The following ADRA1B variants were observed in gnomAD, a reference collection of about 807,000 sequenced individuals.
ADRA1B encodes alpha-1B adrenergic receptor.
A neutral mutation model predicts 17.9 loss-of-function variants in ADRA1B; 17 were observed. The observed-to-expected ratio is 0.95, with a 90% confidence interval of 0.65 to 1.42. ADRA1B has a LOEUF of 1.42. Ranked by LOEUF, ADRA1B falls within the 40% of genes most tolerant of loss-of-function variation. The probability of loss-of-function intolerance (pLI) is 0.00; values close to 1 mark genes in which losing one functional copy is unlikely to be tolerated. For synonymous variants in ADRA1B, 366 were observed against 327.6 expected, an observed-to-expected ratio of 1.12 and a Z score of -1.27; for missense variants, 681 against 722.1, an observed-to-expected ratio of 0.94 and a Z score of 0.65.
chr5:159,911,926 G>A (rs759598991), upstream of ADRA1B, among the ~76,000 whole-genome samples: 14 of 152,136 alleles, frequency 9.2e-5, no homozygotes, highest in Middle Eastern at 3.2e-3. Context: ...TTTCAGCTGT[G>A]CCACTTGTTA....
chr5:159,969,399 G>A (rs1397252179), intron 1 of ADRA1B, among the ~76,000 whole-genome samples: 2 of 152,118 alleles, frequency 1.3e-5, no homozygotes, highest in Admixed American at 6.6e-5. Flanking sequence ...TTTGAAACAG[G>A]CCAAATCTCA....
At chr5:159,959,296 G>A (rs1189824058) in intron 1 of ADRA1B, among the ~76,000 whole-genome samples, 1 of 152,186 alleles carries the variant, frequency 6.6e-6, no homozygotes, top group Non-Finnish European at 1.5e-5. Flanking sequence ...GTAAAGAAGG[G>A]AAAGGAATCA....
At chr5:159,871,508 G>A (rs1753739210) in intron 1 of ADRA1B, 1 of 152,154 alleles carries the variant, frequency 6.6e-6, no homozygotes, top group Non-Finnish European at 1.5e-5. Flanking sequence ...CCAGCTTCTA[G>A]TGATTCTAAT....
At chr5:159,969,356 G>A (rs1755828167) in intron 1 of ADRA1B, among the ~76,000 whole-genome samples, 1 of 152,208 alleles carries the variant, frequency 6.6e-6, no homozygotes, top group South Asian at 2.1e-4. Context: ...TAGGAGTCAG[G>A]CTCCTGTATT....
intron 1 of ADRA1B, among the ~76,000 whole-genome samples, chr5:159,951,908 G>A (rs568626846): frequency 6.6e-6 from 1 of 152,270 alleles, no homozygotes; most frequent in African/African-American, 2.4e-5. Context: ...GATCATGGAA[G>A]GATTTGTGAG....
chr5:159,893,381 A>G (rs1754008124), intron 1 of ADRA1B, among the ~76,000 whole-genome samples: 1 of 44,060 alleles, frequency 2.3e-5, no homozygotes, highest in South Asian at 5.2e-4. Flanking sequence ...TGCCTTATCC[A>G]TAGGAAGTGA....
At chr5:159,896,352 A>C (rs916120448) in intron 1 of ADRA1B, among the ~76,000 whole-genome samples, 1 of 152,230 alleles carries the variant, frequency 6.6e-6, no homozygotes, top group African/African-American at 2.4e-5. Flanking sequence ...TGGATGTGAA[A>C]TCACACCTGA....
At chr5:159,945,914 A>AT (rs1037547690) in intron 1 of ADRA1B, among the ~76,000 whole-genome samples, 2 of 152,006 alleles carry the variant, frequency 1.3e-5, no homozygotes, top group African/African-American at 4.8e-5. Context: ...TGCCTGGCTA[A>AT]TTTTTTGTAT....
intron 1 of ADRA1B, 95 bp downstream of exon 1, chr5:159,917,949 T>C: frequency 9.4e-7 from 1 of 1,061,832 alleles, no homozygotes; most frequent in South Asian, 1.5e-5. Context: ...TTTTGTTTCT[T>C]ATGCAGTCTG....
chr5:159,933,584 G>A (rs1383607649), intron 1 of ADRA1B, among the ~76,000 whole-genome samples: 1 of 152,232 alleles, frequency 6.6e-6, no homozygotes, highest in Non-Finnish European at 1.5e-5. Context: ...TTTGGTGTCA[G>A]TTTTCCAGAG....
At chr5:159,881,066 C>T (rs1753855740) in intron 1 of ADRA1B, among the ~76,000 whole-genome samples, 1 of 149,472 alleles carries the variant, frequency 6.7e-6, no homozygotes, top group African/African-American at 2.5e-5. Context: ...CCCAGCTACT[C>T]GGGAGGCTGA....
rs936030669 is a variant in ADRA1B, at chr5:159,880,781, C to T, written c.-256+15575C>T. Reference sequence around the variant, plus strand: ...CCTTATCACTGTCTTTCAAATAAGTCGTCTTCCATTTCCTTACCCAGCCAG... The same window carrying T: ...CCTTATCACTGTCTTTCAAATAAGTTGTCTTCCATTTCCTTACCCAGCCAG... On this transcript the variant is annotated intron_variant, in intron 1 of 2. Transcript: ENST00000641205. Among the ~76,000 whole-genome samples the T allele has an allele frequency of 3.9e-5, 6 of 152,290 alleles. No homozygotes were observed. In the East Asian group the frequency reaches 9.7e-4, roughly 25 times the overall value.
At chr5:159,957,949 A>G (rs868767758) in intron 1 of ADRA1B, among the ~76,000 whole-genome samples, 1,618 of 128,910 alleles carry the variant, frequency 0.013, 29 homozygotes, top group African/African-American at 0.046. Flanking sequence ...AAAAAAAAAA[A>G]AAAGAAAAGA....
At chr5:159,897,357 G>C (rs933126233) in intron 1 of ADRA1B, among the ~76,000 whole-genome samples, 1 of 151,944 alleles carries the variant, frequency 6.6e-6, no homozygotes, top group Admixed American at 6.6e-5. Flanking sequence ...GTGGTGGAAC[G>C]CACCTGTAAT....
At chr5:159,966,603 C>G (rs1755779896) in intron 1 of ADRA1B, among the ~76,000 whole-genome samples, 1 of 152,180 alleles carries the variant, frequency 6.6e-6, no homozygotes, top group South Asian at 2.1e-4. Context: ...GTTCACCTAC[C>G]AAACAAGTGA....
At chr5:159,934,418 G>A (rs529063129) in intron 1 of ADRA1B, among the ~76,000 whole-genome samples, 28 of 152,052 alleles carry the variant, frequency 1.8e-4, no homozygotes, top group South Asian at 2.1e-4. Context: ...CCACCCCCTC[G>A]TCTTGAGGAA....
intron 1 of ADRA1B, among the ~76,000 whole-genome samples, chr5:159,956,873 T>C (rs1018812965): frequency 2.0e-5 from 3 of 152,128 alleles, no homozygotes; most frequent in Admixed American, 6.5e-5. Context: ...TATTTTAATA[T>C]TTTGCTTTTT....
chr5:159,971,901 G>T lies in ADRA1B; in HGVS notation c.972G>T (p.Lys324Asn). 3 of 1,355,844 alleles carry T rather than the reference G, an allele frequency of 2.2e-6. No homozygotes were observed. The highest frequency in any genetic ancestry group is 2.9e-6 in the Non-Finnish European group (3 of 1,047,954). 84.0% of individuals were successfully genotyped at this position (1,355,844 alleles called of 1,614,324 possible). ...CAGGCTCCTTGTTCTCCACCCTGAA[G>T]CCCCCCGACGCCGTGTTCAAGGTGG... The part of the protein sequence containing the change: ...LPLGSLFSTL[K>N]PPDAVFKVVF... The change falls in exon 2 of 2, where the codon AAG becomes AAT. Residue 324 changes from lysine (K) to asparagine (N), a missense_variant. Lys to Asn is a moderately conservative substitution (Grantham distance 94). Around this residue, in one of 3 missense-constraint regions of ADRA1B, gnomAD observed 424 missense variants for 480.2 expected, o/e 0.88. Coordinates refer to ENST00000306675, the MANE Select transcript of ADRA1B (RefSeq NM_000679.4).
chr5:159,988,297 C>G, the ADRA1B span, among the ~76,000 whole-genome samples: 4 of 152,150 alleles, frequency 2.6e-5, no homozygotes, highest in South Asian at 8.3e-4. Context: ...CCAGGAGCCT[C>G]GGGAAAGAAT....
Sources: allele counts gnomAD v4.1 joint callset (sites outside exome capture counted in the v4.1 genomes callset), GRCh38; gene constraint gnomAD v4.1.1; regional missense constraint gnomAD v4.1.1; transcripts MANE v1.5; gene names NCBI Gene and HGNC (gene_info 2026-07-23, HGNC 2026-07-21).